The following DCDC2B variants were observed in gnomAD, a reference collection of about 807,000 sequenced individuals.
DCDC2B encodes the protein doublecortin domain-containing protein 2B.
A neutral mutation model predicts 38.9 loss-of-function variants in DCDC2B; 41 were observed. That is an observed-to-expected ratio of 1.05 (90% confidence interval 0.82 to 1.37). The LOEUF (loss-of-function observed/expected upper bound fraction) is 1.37, where lower values mean the gene tolerates loss of function less well. DCDC2B is among the 40% of genes most tolerant of loss of function. DCDC2B has a pLI of 0.00. For missense variants in DCDC2B, 453 were observed against 427.2 expected (o/e 1.06, Z -0.53); for synonymous variants, 181 against 171.9 (o/e 1.05, Z -0.41).
At chr1:32,215,158 GC>G in intron 7 of DCDC2B, 1 of 634,946 alleles carries the variant, frequency 1.6e-6, no homozygotes. Flanking sequence ...GTCTCCAGCT[GC>G]CCCCGTCTGT....
At chr1:32,209,437 T>C (rs565412152) in intron 1 of DCDC2B, 78 bp downstream of exon 1, 5 of 1,541,206 alleles carry the variant, frequency 3.2e-6, no homozygotes, top group Middle Eastern at 1.7e-4. Flanking sequence ...CTACCATGTA[T>C]GTACCAGCAT....
chr1:32,211,095 TCAAG>T (rs1643565878), intron 1 of DCDC2B, among the ~76,000 whole-genome samples, 173 bp from the exon 2 acceptor site: 1 of 152,210 alleles, frequency 6.6e-6, no homozygotes. Context: ...ACTTGAGCAC[TCAAG>T]GGGTCCTAGG....
chr1:32,211,214 C>A lies in DCDC2B; in HGVS notation c.267-58C>A. The A allele has an allele frequency of 7.2e-6, 11 of 1,519,376 alleles. 1 individual carries two copies. The South Asian group carries it at 1.1e-4, about 16-fold the overall frequency. 94.1% of individuals were successfully genotyped at this position (1,519,376 alleles called of 1,614,324 possible). A position where few individuals can be genotyped will look rare whatever the true frequency, so the allele number is the denominator to read the frequency against. On this transcript the variant is annotated intron_variant, in intron 1 of 8. Transcript: ENST00000409358. ...CGCCCCAACCCAACACTGACATCTG[C>A]CAGGCTATTGAGGCCTCAGTCTCCA...
In DCDC2B at chr1:32,212,573, A is replaced by T; in HGVS notation, c.611A>T (p.Glu204Val). 3.1e-6 allele frequency: 5 copies of T among 1,614,016 alleles called. No individual in the cohort carries two copies. Among genetic ancestry groups the T allele is most frequent in the Non-Finnish European group, 4.2e-6 (5 of 1,179,894 alleles). The change falls in exon 5 of 9, where the codon GAG becomes GTG. Residue 204 changes from glutamate to valine, a missense_variant. By Grantham distance (121) the Glu-to-Val change is moderately radical (BLOSUM62 -2). Transcript: ENST00000409358. ...TACTATGTGGCTGTCGGAGAGGATG[A>T]GTTCAAGGACCTTCCCTATCTGGAG... ...GHYYVAVGED[E>V]FKDLPYLELL...
intron 8 of DCDC2B, 31 bp downstream of exon 8, chr1:32,215,574 G>A (rs1298012928): frequency 6.3e-7 from 1 of 1,599,338 alleles, no homozygotes; most frequent in South Asian, 1.1e-5. Flanking sequence ...ACAGTATGTT[G>A]GGGTGGGAGG....
chr1:32,215,966 G>A lies in DCDC2B; in HGVS notation c.*69G>A, dbSNP rs900963936. 1.5e-6 allele frequency: 2 copies of A among 1,339,470 alleles called. No homozygotes were observed. The highest frequency in any genetic ancestry group is 1.5e-5 in the African/African-American group (1 of 68,374). 83.0% of individuals were successfully genotyped at this position (1,339,470 alleles called of 1,614,324 possible). ...CACCTTTTGTCCTTAGCCTCCAGCA[G>A]CTTGTTCCTCAGGAGCCAGCACCTC... is the stretch of plus-strand genomic sequence containing the variant. On this transcript the variant is annotated 3_prime_UTR_variant, in exon 9 of 9. Transcript: ENST00000409358.
chr1:32,209,475 A>AG (rs947873722), intron 1 of DCDC2B, 116 bp downstream of exon 1: 35 of 1,451,878 alleles, frequency 2.4e-5, no homozygotes, highest in East Asian at 2.1e-4. Flanking sequence ...AACTCTATGT[A>AG]GGGGGGGTGG....
Position 32,215,689 on chromosome 1 carries a change from G to C in DCDC2B, c.955-113G>C, listed in dbSNP as rs370154844. ...ACTTCCTACCTTGTTAAATGAGGAA[G>C]CAGTTCCTAATTTCCAGTTTCTTCC... On this transcript the variant is annotated intron_variant, in intron 8 of 8. Coordinates refer to ENST00000409358, the MANE Select transcript of DCDC2B (RefSeq NM_001099434.2). The C allele has an allele frequency of 5.1e-5, 56 of 1,105,010 alleles. 1 individual carries two copies. In the East Asian group the frequency reaches 5.2e-4, roughly 10 times the overall value. The allele number at this position is 1,105,010 out of a possible 1,614,324, so 68.5% of individuals were successfully genotyped here.
intron 2 of DCDC2B, 62 bp downstream of exon 2, chr1:32,211,385 C>G: frequency 6.3e-7 from 1 of 1,582,144 alleles, no homozygotes. Context: ...GGAACTGCCC[C>G]CAATTTGGTC....
In DCDC2B at chr1:32,213,960, T is replaced by C. The variant is rs115276996; in HGVS notation, c.715-837T>C. Among the ~76,000 whole-genome samples the C allele has an allele frequency of 3.6e-3, 550 of 151,520 alleles. 2 individuals carry two copies. The highest frequency in any genetic ancestry group is 0.013 in the African/African-American group (522 of 41,380). On this transcript the variant is annotated intron_variant, in intron 6 of 8. Transcript: ENST00000409358. ...AGCCACCTCGCCTGGCCACTCTTAATAATCTTGTGAAAGAAAGATTATCCC... is the reference window on the plus strand; with the variant it reads ...AGCCACCTCGCCTGGCCACTCTTAACAATCTTGTGAAAGAAAGATTATCCC...
intron 7 of DCDC2B, 46 bp downstream of exon 7, chr1:32,214,978 A>T (rs371942599): frequency 9.3e-6 from 15 of 1,611,552 alleles, no homozygotes; most frequent in Non-Finnish European, 1.3e-5. Flanking sequence ...GCCCTTTGAC[A>T]GTGACATAGG....
intron 1 of DCDC2B, among the ~76,000 whole-genome samples, chr1:32,209,843 T>C: frequency 6.6e-6 from 1 of 152,136 alleles, no homozygotes; most frequent in East Asian, 1.9e-4. Context: ...ATGTCTGGCT[T>C]CCAGGTCCTA....
chr1:32,211,240 C>T (rs2124206559), intron 1 of DCDC2B, 32 bp from the exon 2 acceptor site: 2 of 1,610,794 alleles, frequency 1.2e-6, no homozygotes, highest in South Asian at 1.1e-5. Context: ...TCAGTCTCCA[C>T]AAGATGACCT....
chr1:32,214,434 T>C (rs1447760325), intron 6 of DCDC2B: 3 of 216,246 alleles, frequency 1.4e-5, no homozygotes, highest in South Asian at 8.9e-5. Context: ...TCTTGCTAGG[T>C]TGGACGCTGG....
chr1:32,212,418 C>A (rs1353391369), intron 4 of DCDC2B, 72 bp from the exon 5 acceptor site: 6 of 1,588,562 alleles, frequency 3.8e-6, no homozygotes, highest in Non-Finnish European at 5.2e-6. Flanking sequence ...GCTGCACCCA[C>A]CCCTTCAGTC....
chr1:32,210,775 C>T (rs1010673137), intron 1 of DCDC2B, among the ~76,000 whole-genome samples: 12 of 151,864 alleles, frequency 7.9e-5, no homozygotes, highest in Non-Finnish European at 1.0e-4. Flanking sequence ...AGTGCACTGG[C>T]GCGATCATGG....
chr1:32,214,732 A>G, intron 6 of DCDC2B, 65 bp from the exon 7 acceptor site: 1 of 1,600,890 alleles, frequency 6.2e-7, no homozygotes, highest in Non-Finnish European at 8.5e-7. Context: ...TGAAGCCTGA[A>G]CTGGGGAGTA....
At position 32,215,934 on chromosome 1, in the gene DCDC2B, C is replaced by T. The variant is rs1449700476; in HGVS notation, c.*37C>T. ...TCCAGAGGGCAACTGGGGACCACTA[C>T]TCTGGCCACCTTTTGTCCTTAGCCT... On this transcript the variant is annotated 3_prime_UTR_variant, in exon 9 of 9. Coordinates refer to ENST00000409358, the MANE Select transcript of DCDC2B (RefSeq NM_001099434.2). The T allele has an allele frequency of 2.7e-6, 4 of 1,490,616 alleles. No homozygotes were observed. Among genetic ancestry groups the T allele is most frequent in the African/African-American group, 2.8e-5 (2 of 71,698 alleles). The allele number at this position is 1,490,616 out of a possible 1,614,324, so 92.3% of individuals were successfully genotyped here. A position where few individuals can be genotyped will look rare whatever the true frequency, so the allele number is the denominator to read the frequency against.
At chr1:32,212,377 G>A in intron 4 of DCDC2B, 113 bp from the exon 5 acceptor site, 1 of 1,532,648 alleles carries the variant, frequency 6.5e-7, no homozygotes, top group African/African-American at 1.4e-5. Flanking sequence ...TAGAGCCTGG[G>A]TGCCTAGAGG....
Sources: allele counts gnomAD v4.1 joint callset (sites outside exome capture counted in the v4.1 genomes callset), GRCh38; gene constraint gnomAD v4.1.1; transcripts MANE v1.5; gene names NCBI Gene and HGNC (gene_info 2026-07-23, HGNC 2026-07-21).